VWC2L: variants seen among roughly 807,000 people sequenced by gnomAD.
VWC2L encodes the protein von Willebrand factor C domain-containing protein 2-like.
VWC2L carries 10 observed loss-of-function variants against 21.6 expected under a neutral mutation model. The ratio of observed to expected loss-of-function variants is 0.46; its 90% CI spans 0.29 to 0.78. The LOEUF is 0.78. Among genes scored for constraint, VWC2L ranks in the 30% least tolerant of loss-of-function variants. The pLI is 0.10. For synonymous variants in VWC2L, 96 were observed against 94.3 expected, an observed-to-expected ratio of 1.02 and a Z score of -0.10; for missense variants, 209 against 277.1, an observed-to-expected ratio of 0.75 and a Z score of 1.74.
chr2:214,497,483 G>A (rs1448170958), intron 3 of VWC2L, among the ~76,000 whole-genome samples: 2 of 152,120 alleles, frequency 1.3e-5, no homozygotes, highest in African/African-American at 2.4e-5. Flanking sequence ...TATATGGTGG[G>A]TTCATAGGTA....
At chr2:214,447,960 G>A (rs1187238815) in intron 3 of VWC2L, among the ~76,000 whole-genome samples, 1 of 151,796 alleles carries the variant, frequency 6.6e-6, no homozygotes, top group African/African-American at 2.4e-5. Flanking sequence ...TTCCCTGCTT[G>A]TCTCAGACCC....
chr2:214,469,563 C>CGA (rs1703274204), intron 3 of VWC2L, among the ~76,000 whole-genome samples: 1 of 151,818 alleles, frequency 6.6e-6, no homozygotes, highest in Non-Finnish European at 1.5e-5. Flanking sequence ...CCACTGCACT[C>CGA]CAGCCTGGGC....
chr2:214,464,165 T>C (rs1703183249), intron 3 of VWC2L, among the ~76,000 whole-genome samples: 1 of 152,188 alleles, frequency 6.6e-6, no homozygotes, highest in African/African-American at 2.4e-5. Context: ...CCTTATTTAG[T>C]TCATTTGTTG....
Position 214,414,308 on chromosome 2 carries a change from A to G in VWC2L, c.115A>G (p.Ser39Gly), listed in dbSNP as rs1702322109. The G allele has an allele frequency of 6.2e-7, 1 of 1,613,924 alleles. No individual in the cohort carries two copies. Among genetic ancestry groups the G allele is most frequent in the Admixed American group, 1.7e-5 (1 of 59,988 alleles). The change falls in exon 2 of 4, where the codon AGT becomes GGT. Residue 39 changes from serine to glycine, a missense_variant. Coordinates refer to ENST00000312504, the MANE Select transcript of VWC2L (RefSeq NM_001080500.4). Reference protein sequence around the residue: ...YPADEGDQISSNDNLIFDDYR... With the variant: ...YPADEGDQISGNDNLIFDDYR... ...TGCTGATGAAGGTGACCAGATCTCC[A>G]GTAATGACAATCTGATCTTTGATGA...
chr2:214,572,279 A>G (rs902304198), intron 3 of VWC2L, among the ~76,000 whole-genome samples: 2 of 152,190 alleles, frequency 1.3e-5, no homozygotes, highest in African/African-American at 4.8e-5. Flanking sequence ...CATTTTTTAC[A>G]TAATAAGCCT....
intron 3 of VWC2L, among the ~76,000 whole-genome samples, chr2:214,456,317 G>A (rs1036107620): frequency 2.0e-5 from 3 of 151,920 alleles, no homozygotes; most frequent in Admixed American, 6.6e-5. Context: ...TTATATACCT[G>A]TTGGCTATTG....
intron 3 of VWC2L, among the ~76,000 whole-genome samples, chr2:214,465,608 C>T (rs1238648343): frequency 6.6e-6 from 1 of 152,226 alleles, no homozygotes; most frequent in Non-Finnish European, 1.5e-5. Context: ...CAAGCACCTT[C>T]TTGGCCACAC....
rs145366087 is a variant in VWC2L at position 214,497,345 on chromosome 2, G to C, written c.520+60587G>C. Among the ~76,000 whole-genome samples the C allele has an allele frequency of 1.4e-4, 22 of 152,260 alleles. No homozygotes were observed. In the East Asian group the frequency reaches 4.3e-3, roughly 29 times the overall value. On this transcript the variant is annotated intron_variant, in intron 3 of 3. Transcript: ENST00000312504. ...GGTCTGTTTCAATTTTGTTATGCCA[G>C]TTTAAAAAAGCTTTCTGTTTGTAAA...
intron 3 of VWC2L, among the ~76,000 whole-genome samples, chr2:214,548,228 G>T (rs1164364704): frequency 6.6e-6 from 1 of 152,116 alleles, no homozygotes; most frequent in Admixed American, 6.5e-5. Flanking sequence ...ATGTAGCTCA[G>T]CATCTCTCCT....
chr2:214,464,170 T>A (rs1352593819), intron 3 of VWC2L, among the ~76,000 whole-genome samples: 1 of 152,116 alleles, frequency 6.6e-6, no homozygotes, highest in Non-Finnish European at 1.5e-5. Flanking sequence ...TTTAGTTCAT[T>A]TGTTGAGGTC....
chr2:214,557,573 C>CT (rs1574635202), intron 3 of VWC2L, among the ~76,000 whole-genome samples: 1 of 152,136 alleles, frequency 6.6e-6, no homozygotes, highest in East Asian at 1.9e-4. Context: ...ACTGTCAACC[C>CT]TACTCAAACA....
chr2:214,513,959 G>A (rs1689098979), intron 3 of VWC2L, among the ~76,000 whole-genome samples: 1 of 152,122 alleles, frequency 6.6e-6, no homozygotes, highest in East Asian at 1.9e-4. Context: ...AAGGACATCA[G>A]CTGCTAGAAG....
intron 3 of VWC2L, among the ~76,000 whole-genome samples, chr2:214,530,618 A>G (rs1395006954): frequency 6.6e-6 from 1 of 152,134 alleles, no homozygotes; most frequent in East Asian, 1.9e-4. Flanking sequence ...AAGGAGATGG[A>G]TCTTTCAAGC....
chr2:214,554,768 A>G (rs950006555), intron 3 of VWC2L, among the ~76,000 whole-genome samples: 1 of 152,236 alleles, frequency 6.6e-6, no homozygotes, highest in Admixed American at 6.5e-5. Flanking sequence ...GACTCTTTGT[A>G]GCAATAAGAT....
In VWC2L at chr2:214,489,458, G is replaced by C. The variant is rs970128980; in HGVS notation, c.520+52700G>C. Among the ~76,000 whole-genome samples the C allele has an allele frequency of 1.1e-4, 17 of 152,178 alleles. 1 individual carries two copies. The highest frequency in any genetic ancestry group is 3.9e-4 in the African/African-American group (16 of 41,434). On this transcript the variant is annotated intron_variant, in intron 3 of 3. Coordinates refer to ENST00000312504, the MANE Select transcript of VWC2L (RefSeq NM_001080500.4). ...AAATGCCAAGGGCTAGAACTGAGGC[G>C]TTGAGTGGTGATGACAAGAAGGGGA...
At chr2:214,527,456 A>T (rs571555518) in intron 3 of VWC2L, among the ~76,000 whole-genome samples, 4 of 152,304 alleles carry the variant, frequency 2.6e-5, no homozygotes, top group Admixed American at 6.5e-5. Flanking sequence ...TTGTGCTTAG[A>T]ATGGAATCCT....
At chr2:214,552,315 T>C (rs980465285) in intron 3 of VWC2L, among the ~76,000 whole-genome samples, 20 of 152,238 alleles carry the variant, frequency 1.3e-4, no homozygotes, top group African/African-American at 4.3e-4. Context: ...GTCCTACCTC[T>C]GGTTACTTAG....
intron 2 of VWC2L, among the ~76,000 whole-genome samples, chr2:214,431,597 A>T (rs1424625762): frequency 6.6e-6 from 1 of 152,180 alleles, no homozygotes; most frequent in Non-Finnish European, 1.5e-5. Flanking sequence ...ACAACTTTCT[A>T]AGAAACCCGT....
chr2:214,497,212 G>GAAAAA, intron 3 of VWC2L, among the ~76,000 whole-genome samples: 1 of 151,818 alleles, frequency 6.6e-6, no homozygotes, highest in Non-Finnish European at 1.5e-5. Context: ...TATTGGAAAG[G>GAAAAA]AAAAAAAACC....
Sources: allele counts gnomAD v4.1 joint callset (sites outside exome capture counted in the v4.1 genomes callset), GRCh38; gene constraint gnomAD v4.1.1; transcripts MANE v1.5; gene names NCBI Gene and HGNC (gene_info 2026-07-23, HGNC 2026-07-21).